PDE4B: variants seen among roughly 807,000 people sequenced by gnomAD.
The protein encoded by PDE4B is phosphodiesterase 4B.
PDE4B carries 20 observed loss-of-function variants against 82.2 expected under a neutral mutation model. The ratio of observed to expected loss-of-function variants is 0.24; its 90% CI spans 0.17 to 0.35. PDE4B has a LOEUF of 0.35. Among genes scored for constraint, PDE4B ranks in the 10% least tolerant of loss-of-function variants. PDE4B has a pLI of 1.00. For missense variants in PDE4B, 655 were observed against 907.2 expected (o/e 0.72, Z 3.57); for synonymous variants, 320 against 318.9 (o/e 1.00, Z -0.04).
chr1:65,822,861 A>G (rs1645969788), intron 1 of PDE4B, among the ~76,000 whole-genome samples: 1 of 152,168 alleles, frequency 6.6e-6, no homozygotes, highest in African/African-American at 2.4e-5. Flanking sequence ...AATTTCTATT[A>G]TTGATAATTT....
rs1650962516 is a variant in PDE4B, at chr1:66,221,257, G to A, written c.282-26203G>A. 1.3e-5 allele frequency among the ~76,000 whole-genome samples: 2 copies of A among 152,076 alleles called. 1 individual carries two copies. Among genetic ancestry groups the A allele is most frequent in the South Asian group, 4.1e-4 (2 of 4,820 alleles). On this transcript the variant is annotated intron_variant, in intron 3 of 16. Transcript: ENST00000341517. ...TTTCTAGCCTCTTTGCCCTTTAGTT[G>A]GGATTTAAATTCCACAGATAGGGCA...
intron 8 of PDE4B, among the ~76,000 whole-genome samples, chr1:66,335,525 T>C (rs996526451): frequency 6.6e-6 from 1 of 152,222 alleles, no homozygotes; most frequent in East Asian, 1.9e-4. Flanking sequence ...GATTCAAATC[T>C]CCTAAAAGAC....
chr1:66,190,783 TCCTGGGTGAGGCGATGCCTCACC>T (rs1422320513), intron 3 of PDE4B, among the ~76,000 whole-genome samples: 1 of 152,156 alleles, frequency 6.6e-6, no homozygotes, highest in East Asian at 1.9e-4. Context: ...TCCGTGGGCT[TCCTGGGTGAGGCGATGCCTCACC>T]CTGCTTTGGC....
At chr1:66,030,777 C>T (rs12567351) in intron 3 of PDE4B, among the ~76,000 whole-genome samples, 12,467 of 152,156 alleles carry the variant, frequency 0.082, 942 homozygotes, top group East Asian at 0.25. Flanking sequence ...ACGATGCAGC[C>T]TTAAACAAGA....
At chr1:65,828,918 A>G (rs141237727) in intron 1 of PDE4B, among the ~76,000 whole-genome samples, 20 of 152,300 alleles carry the variant, frequency 1.3e-4, no homozygotes, top group Middle Eastern at 6.8e-3. Context: ...AAACAAATAG[A>G]CGACAGCTAG....
At chr1:66,354,952 T>C in intron 8 of PDE4B, 1 of 1,460,106 alleles carries the variant, frequency 6.8e-7, no homozygotes, top group Non-Finnish European at 9.3e-7. Context: ...TACCTCTGTG[T>C]GTTTTTTTGT....
At chr1:66,255,584 G>T (rs1449109608) in intron 4 of PDE4B, among the ~76,000 whole-genome samples, 2 of 152,108 alleles carry the variant, frequency 1.3e-5, no homozygotes, top group African/African-American at 4.8e-5. Context: ...CTTTGTTCCT[G>T]CCATTTCTCT....
At chr1:66,148,852 G>A (rs1458896346) in intron 3 of PDE4B, among the ~76,000 whole-genome samples, 1 of 151,954 alleles carries the variant, frequency 6.6e-6, no homozygotes, top group Non-Finnish European at 1.5e-5. Flanking sequence ...CCTTTTTATT[G>A]TTGGATAATA....
At chr1:65,895,932 A>AAATAATAAT (rs58207336) in intron 1 of PDE4B, among the ~76,000 whole-genome samples, 2,261 of 143,662 alleles carry the variant, frequency 0.016, 33 homozygotes, top group Middle Eastern at 0.034. Flanking sequence ...ATGAAAAAGA[A>AAATAATAAT]AATAATAATA....
chr1:65,937,262 G>C (rs930834427), intron 3 of PDE4B, among the ~76,000 whole-genome samples: 7 of 152,166 alleles, frequency 4.6e-5, no homozygotes, highest in African/African-American at 1.7e-4. Context: ...ACCTCCACTG[G>C]GGAGAGTGGT....
intron 3 of PDE4B, among the ~76,000 whole-genome samples, chr1:66,141,996 A>G (rs1646183032): frequency 6.6e-6 from 1 of 152,242 alleles, no homozygotes; most frequent in Non-Finnish European, 1.5e-5. Context: ...CCTCGCAGGT[A>G]ACATACTCAA....
intron 1 of PDE4B, among the ~76,000 whole-genome samples, chr1:65,843,196 G>A (rs761691523): frequency 6.6e-6 from 1 of 152,024 alleles, no homozygotes; most frequent in Non-Finnish European, 1.5e-5. Context: ...TATATAGGAG[G>A]TATACTCAGG....
At chr1:66,339,365 C>T (rs1466078913) in intron 8 of PDE4B, among the ~76,000 whole-genome samples, 3 of 152,204 alleles carry the variant, frequency 2.0e-5, no homozygotes, top group African/African-American at 7.2e-5. Flanking sequence ...CAAAACTTAG[C>T]AAATCAAAGA....
chr1:65,844,117 T>C (rs1253908463), intron 1 of PDE4B, among the ~76,000 whole-genome samples: 1 of 152,192 alleles, frequency 6.6e-6, no homozygotes, highest in Non-Finnish European at 1.5e-5. Context: ...ATCATAATAT[T>C]TGGTACATCT....
rs115172495 is a variant in PDE4B at position 66,144,117 on chromosome 1, A to G, written c.282-103343A>G. Among the ~76,000 whole-genome samples the G allele has an allele frequency of 6.9e-3, 1,048 of 152,358 alleles. 10 individuals carry two copies. Among genetic ancestry groups the G allele is most frequent in the African/African-American group, 0.024 (983 of 41,580 alleles). On this transcript the variant is annotated intron_variant, in intron 3 of 16. Coordinates refer to ENST00000341517, the MANE Select transcript of PDE4B (RefSeq NM_002600.4). ...TGAGCAGAAAAGTTGAATGGAAGTT[A>G]CAAGCCCTAAGAATTGCAAGGAGGG...
intron 7 of PDE4B, among the ~76,000 whole-genome samples, chr1:66,320,965 AC>A: frequency 6.6e-6 from 1 of 152,314 alleles, no homozygotes; most frequent in South Asian, 2.1e-4. Context: ...TTGAGCAGAA[AC>A]AACTATTATA....
At chr1:65,893,442 A>G (rs114740407) in intron 1 of PDE4B, among the ~76,000 whole-genome samples, 37 of 152,196 alleles carry the variant, frequency 2.4e-4, no homozygotes, top group African/African-American at 8.7e-4. Flanking sequence ...TACTCCTGCA[A>G]GAAGTACACT....
intron 3 of PDE4B, among the ~76,000 whole-genome samples, chr1:66,188,824 G>T (rs556713554): frequency 1.9e-4 from 29 of 152,226 alleles, no homozygotes; most frequent in African/African-American, 7.0e-4. Flanking sequence ...GGAGCATTTA[G>T]TCCATTTACA....
At chr1:66,083,152 C>G (rs1406636705) in intron 3 of PDE4B, among the ~76,000 whole-genome samples, 1 of 152,126 alleles carries the variant, frequency 6.6e-6, no homozygotes, top group African/African-American at 2.4e-5. Context: ...CTCCTTCATT[C>G]TCTGCCTGCG....
Sources: allele counts gnomAD v4.1 joint callset (sites outside exome capture counted in the v4.1 genomes callset), GRCh38; gene constraint gnomAD v4.1.1; transcripts MANE v1.5; gene names NCBI Gene and HGNC (gene_info 2026-07-23, HGNC 2026-07-21).